Variants in SYNDIG1 observed in about 807,000 individuals in gnomAD.
The protein encoded by SYNDIG1 is synapse differentiation inducing 1.
A neutral mutation model predicts 19.4 loss-of-function variants in SYNDIG1; 9 were observed. The ratio of observed to expected loss-of-function variants is 0.46; its 90% CI spans 0.28 to 0.81. The LOEUF is 0.81. SYNDIG1 is among the 30% of genes least tolerant of loss of function. The probability of loss-of-function intolerance (pLI) is 0.12; values close to 1 mark genes in which losing one functional copy is unlikely to be tolerated. For missense variants in SYNDIG1, 311 were observed against 343.3 expected (o/e 0.91, Z 0.74); for synonymous variants, 141 against 145.9 (o/e 0.97, Z 0.24).
At chr20:24,629,092 A>G (rs1284135236) in intron 3 of SYNDIG1, among the ~76,000 whole-genome samples, 2 of 152,238 alleles carry the variant, frequency 1.3e-5, no homozygotes, top group African/African-American at 2.4e-5. Flanking sequence ...GAGCTTGGAC[A>G]GTGGAGGTGA....
chr20:24,474,299 C>CTTAAACTATTGT (rs1219592979), intron 1 of SYNDIG1, among the ~76,000 whole-genome samples: 2 of 152,172 alleles, frequency 1.3e-5, no homozygotes, highest in African/African-American at 4.8e-5. Context: ...TGTAAATCAT[C>CTTAAACTATTGT]TTAAACTATT....
At chr20:24,657,674 G>A (rs368222189) in intron 3 of SYNDIG1, among the ~76,000 whole-genome samples, 4 of 152,248 alleles carry the variant, frequency 2.6e-5, no homozygotes, top group East Asian at 1.9e-4. Flanking sequence ...GGGGGTCTGC[G>A]TGTGAGACCC....
At chr20:24,661,084 A>G (rs2059580452) in intron 3 of SYNDIG1, among the ~76,000 whole-genome samples, 1 of 152,146 alleles carries the variant, frequency 6.6e-6, no homozygotes, top group African/African-American at 2.4e-5. Flanking sequence ...GTCCTTCAAA[A>G]TGCTTCTCAG....
intron 3 of SYNDIG1, among the ~76,000 whole-genome samples, chr20:24,603,041 C>G (rs1024954478): frequency 2.6e-5 from 4 of 152,092 alleles, no homozygotes; most frequent in Admixed American, 1.3e-4. Flanking sequence ...ACAGCTCACT[C>G]CAATGCAAAT....
intron 3 of SYNDIG1, among the ~76,000 whole-genome samples, chr20:24,626,968 C>G (rs1057103981): frequency 5.3e-5 from 8 of 152,272 alleles, no homozygotes; most frequent in South Asian, 2.1e-4. Context: ...CGCAGGCACT[C>G]GGCAGGCTGA....
In SYNDIG1 at chr20:24,577,267, C is replaced by T. The variant is rs541443833; in HGVS notation, c.481-7589C>T. On this transcript the variant is annotated intron_variant, in intron 2 of 3. Transcript: ENST00000376862. ...ACCTGACTTCAAGTAAAGGAGAGAA[C>T]AAGGGGCCTCGAGATGTTGAAGAAG... is the stretch of plus-strand genomic sequence containing the variant. 6.6e-5 allele frequency among the ~76,000 whole-genome samples: 10 copies of T among 152,268 alleles called. No individual in the cohort carries two copies. In the South Asian group the frequency reaches 2.1e-3, roughly 32 times the overall value.
intron 1 of SYNDIG1, among the ~76,000 whole-genome samples, chr20:24,477,103 A>G (rs887388336): frequency 6.6e-6 from 1 of 152,188 alleles, no homozygotes; most frequent in African/African-American, 2.4e-5. Flanking sequence ...CTATTGCTAG[A>G]CCTCGAGTTT....
At chr20:24,529,982 GGTGGT>G (rs1301488631) in intron 1 of SYNDIG1, among the ~76,000 whole-genome samples, 2 of 147,872 alleles carry the variant, frequency 1.4e-5, no homozygotes, top group African/African-American at 2.5e-5. Flanking sequence ...TGGTGATGGT[GGTGGT>G]GATGGTGTCA....
chr20:24,632,956 T>G (rs2059266204), intron 3 of SYNDIG1, among the ~76,000 whole-genome samples: 1 of 152,076 alleles, frequency 6.6e-6, no homozygotes, highest in Admixed American at 6.5e-5. Flanking sequence ...AGTTTGTTTT[T>G]TTTTTTTTTT....
intron 2 of SYNDIG1, among the ~76,000 whole-genome samples, chr20:24,548,745 A>G (rs2057642093): frequency 6.6e-6 from 1 of 152,192 alleles, no homozygotes; most frequent in South Asian, 2.1e-4. Context: ...AACCTCAAAT[A>G]CATTGTTTAG....
At chr20:24,477,887 TATAG>T (rs1302251315) in intron 1 of SYNDIG1, among the ~76,000 whole-genome samples, 2 of 152,154 alleles carry the variant, frequency 1.3e-5, no homozygotes, top group East Asian at 3.9e-4. Context: ...TCTACACGGT[TATAG>T]ATACTCCAAA....
chr20:24,641,045 G>C (rs950493027), intron 3 of SYNDIG1, among the ~76,000 whole-genome samples: 1 of 152,162 alleles, frequency 6.6e-6, no homozygotes, highest in Non-Finnish European at 1.5e-5. Context: ...CTCCTCATTT[G>C]TTCCCAGGAA....
At chr20:24,643,594 T>C (rs2059399302) in intron 3 of SYNDIG1, among the ~76,000 whole-genome samples, 1 of 152,252 alleles carries the variant, frequency 6.6e-6, no homozygotes, top group Non-Finnish European at 1.5e-5. Context: ...AACACCCTCC[T>C]CACCCCCTTC....
chr20:24,588,631 C>G (rs1326766510), intron 3 of SYNDIG1, among the ~76,000 whole-genome samples: 1 of 152,156 alleles, frequency 6.6e-6, no homozygotes, highest in Non-Finnish European at 1.5e-5. Flanking sequence ...GTGACCTGTG[C>G]TGCAGTCTCG....
intron 1 of SYNDIG1, among the ~76,000 whole-genome samples, chr20:24,528,248 T>C (rs2057168471): frequency 6.6e-6 from 1 of 152,222 alleles, no homozygotes; most frequent in Non-Finnish European, 1.5e-5. Flanking sequence ...AAATCTTTCA[T>C]TTGTAAAGTA....
At chr20:24,529,584 A>C (rs1028126130) in intron 1 of SYNDIG1, among the ~76,000 whole-genome samples, 2 of 152,204 alleles carry the variant, frequency 1.3e-5, no homozygotes, top group African/African-American at 4.8e-5. Flanking sequence ...ATTTCACATA[A>C]TTTTTGTGTG....
At chr20:24,643,945 A>C (rs1250119632) in intron 3 of SYNDIG1, among the ~76,000 whole-genome samples, 2 of 152,244 alleles carry the variant, frequency 1.3e-5, no homozygotes, top group African/African-American at 4.8e-5. Context: ...CAGACACATC[A>C]TCAAAAAGAG....
intron 1 of SYNDIG1, among the ~76,000 whole-genome samples, chr20:24,537,876 A>G (rs1291886201): frequency 6.6e-6 from 1 of 151,928 alleles, no homozygotes; most frequent in African/African-American, 2.4e-5. Context: ...GATGTGAAGG[A>G]GGAGGAGGAA....
chr20:24,506,913 T>G (rs946937218), intron 1 of SYNDIG1, among the ~76,000 whole-genome samples: 1 of 152,048 alleles, frequency 6.6e-6, no homozygotes, highest in Non-Finnish European at 1.5e-5. Context: ...TCGGAGCTCA[T>G]TTAGTCATGA....
Sources: gnomAD v4.1 joint callset for allele counts (sites outside exome capture counted in the v4.1 genomes callset) on GRCh38, gnomAD v4.1.1 for gene constraint, MANE v1.5 for transcripts, NCBI Gene and HGNC (gene_info 2026-07-23, HGNC 2026-07-21) for gene names.